The following VIT variants were observed in gnomAD, a reference collection of about 807,000 sequenced individuals.
VIT encodes vitrin.
A neutral mutation model predicts 78.0 loss-of-function variants in VIT; 99 were observed. The ratio of observed to expected loss-of-function variants is 1.27; its 90% CI spans 1.08 to 1.50. VIT has a LOEUF of 1.50. Ranked by LOEUF, VIT falls within the 40% of genes most tolerant of loss-of-function variation. The pLI is 0.00. For synonymous variants in VIT, 374 were observed against 334.3 expected (o/e 1.12, Z -1.29); for missense variants, 1,126 against 875.3 (o/e 1.29, Z -3.61).
chr2:36,779,534 G>A (rs1166241029), intron 9 of VIT, among the ~76,000 whole-genome samples: 1 of 152,152 alleles, frequency 6.6e-6, no homozygotes, highest in Non-Finnish European at 1.5e-5. Flanking sequence ...GTAAATGGGT[G>A]CCATGGTGGT....
chr2:36,721,924 T>G (rs1320895295), intron 2 of VIT, among the ~76,000 whole-genome samples: 2 of 152,214 alleles, frequency 1.3e-5, no homozygotes, highest in Non-Finnish European at 2.9e-5. Context: ...TTTCTGGGTC[T>G]CCAAAATCTG....
At chr2:36,730,693 T>A (rs78060583) in intron 3 of VIT, among the ~76,000 whole-genome samples, 1 of 152,188 alleles carries the variant, frequency 6.6e-6, no homozygotes, top group South Asian at 2.1e-4. Context: ...TCTTGTACCA[T>A]GCCCAAGAAG....
At chr2:36,793,943 C>T (rs1487423321) in intron 12 of VIT, among the ~76,000 whole-genome samples, 2 of 152,172 alleles carry the variant, frequency 1.3e-5, no homozygotes, top group East Asian at 1.9e-4. Flanking sequence ...TCACCTGGAT[C>T]TCCGAGCCCC....
intron 1 of VIT, among the ~76,000 whole-genome samples, chr2:36,702,508 A>T (rs908006253): frequency 2.0e-5 from 3 of 152,180 alleles, no homozygotes; most frequent in African/African-American, 7.2e-5. Flanking sequence ...AAACGTAAAG[A>T]TGATATTCAA....
intron 2 of VIT, among the ~76,000 whole-genome samples, chr2:36,717,364 G>C (rs1318400780): frequency 3.3e-4 from 46 of 140,390 alleles, no homozygotes; most frequent in African/African-American, 1.3e-3. Flanking sequence ...GTGTGTGTGT[G>C]TGTGTGTGTG....
intron 15 of VIT, among the ~76,000 whole-genome samples, chr2:36,812,226 C>A (rs1215117267): frequency 6.6e-6 from 1 of 152,192 alleles, no homozygotes; most frequent in African/African-American, 2.4e-5. Flanking sequence ...AATCAAAAAG[C>A]AGCTTAGGTC....
chr2:36,795,320 G>C (rs563213475), intron 12 of VIT, among the ~76,000 whole-genome samples: 1 of 151,670 alleles, frequency 6.6e-6, no homozygotes, highest in South Asian at 2.1e-4. Flanking sequence ...CCCAGCTAAG[G>C]TCAAACAAGA....
At chr2:36,730,756 C>T (rs150862900) in intron 3 of VIT, among the ~76,000 whole-genome samples, 12 of 152,292 alleles carry the variant, frequency 7.9e-5, no homozygotes, top group East Asian at 5.8e-4. Flanking sequence ...CGAATTTTAT[C>T]GAGTGAGGGA....
intron 14 of VIT, among the ~76,000 whole-genome samples, chr2:36,807,193 A>G (rs757947441): frequency 2.6e-5 from 4 of 152,036 alleles, no homozygotes; most frequent in Admixed American, 6.5e-5. Flanking sequence ...AGATTTCACA[A>G]TGAAGCCCAA....
intron 9 of VIT, among the ~76,000 whole-genome samples, chr2:36,775,794 G>C (rs1214039184): frequency 6.6e-6 from 1 of 150,614 alleles, no homozygotes; most frequent in African/African-American, 2.5e-5. Flanking sequence ...TGACTTAAAG[G>C]ACTCCCCCAA....
intron 5 of VIT, among the ~76,000 whole-genome samples, chr2:36,757,184 A>C (rs1239309942): frequency 2.6e-5 from 4 of 152,242 alleles, no homozygotes; most frequent in African/African-American, 9.6e-5. Context: ...GTTTAACTGC[A>C]TGATGTCCGA....
intron 6 of VIT, among the ~76,000 whole-genome samples, chr2:36,763,171 G>A (rs568280069): frequency 2.0e-5 from 3 of 152,230 alleles, no homozygotes; most frequent in Admixed American, 6.5e-5. Flanking sequence ...AGAATTCCAC[G>A]GCCCACCCTG....
chr2:36,796,705 G>T (rs1665928633), intron 12 of VIT, among the ~76,000 whole-genome samples: 1 of 152,046 alleles, frequency 6.6e-6, no homozygotes, highest in Non-Finnish European at 1.5e-5. Flanking sequence ...GAGCTCAAAG[G>T]ATCCTCCTGT....
At chr2:36,813,281 C>A (rs569621227) in intron 15 of VIT, among the ~76,000 whole-genome samples, 2 of 151,954 alleles carry the variant, frequency 1.3e-5, no homozygotes, top group South Asian at 4.2e-4. Context: ...GAAACCCTGT[C>A]TCTACTAAAA....
intron 2 of VIT, among the ~76,000 whole-genome samples, chr2:36,719,578 TC>T (rs557227090): frequency 2.0e-5 from 2 of 102,332 alleles, no homozygotes; most frequent in Admixed American, 1.2e-4. Context: ...TACGATAGTA[TC>T]AAAAAAAAAC....
intron 10 of VIT, among the ~76,000 whole-genome samples, chr2:36,782,208 C>T (rs181729895): frequency 2.9e-4 from 44 of 152,308 alleles, no homozygotes; most frequent in African/African-American, 8.4e-4. Context: ...CCTTCCAGCT[C>T]TTCATGGGAG....
chr2:36,758,101 C>G (rs1668876817), intron 5 of VIT, among the ~76,000 whole-genome samples: 6 of 152,186 alleles, frequency 3.9e-5, no homozygotes, highest in Admixed American at 3.3e-4. Flanking sequence ...GCTTTCATTA[C>G]TAGATGTAAT....
At chr2:36,713,837 C>T (rs1665962759) in intron 1 of VIT, among the ~76,000 whole-genome samples, 2 of 152,034 alleles carry the variant, frequency 1.3e-5, no homozygotes, top group African/African-American at 2.4e-5. Flanking sequence ...CAGGTGGGTC[C>T]GATAGGACAA....
intron 12 of VIT, among the ~76,000 whole-genome samples, chr2:36,799,561 T>C (rs985512370): frequency 6.6e-6 from 1 of 151,794 alleles, no homozygotes; most frequent in African/African-American, 2.4e-5. Context: ...TTACAAAAAA[T>C]GAAAAAATTT....
Sources: allele counts gnomAD v4.1 joint callset (sites outside exome capture counted in the v4.1 genomes callset), GRCh38; gene constraint gnomAD v4.1.1; transcripts MANE v1.5; gene names NCBI Gene and HGNC (gene_info 2026-07-23, HGNC 2026-07-21).